SLC26A3: variants seen among roughly 807,000 people sequenced by gnomAD.
SLC26A3 encodes solute carrier family 26 member 3, also known as chloride anion exchanger.
SLC26A3 carries 64 observed loss-of-function variants against 85.6 expected under a neutral mutation model. The observed-to-expected ratio is 0.75, with a 90% CI of 0.61 to 0.92. The LOEUF is 0.92. SLC26A3 is among the 40% of genes least tolerant of loss of function. The probability of loss-of-function intolerance (pLI) is 0.00; values close to 1 mark genes in which losing one functional copy is unlikely to be tolerated. For synonymous variants in SLC26A3, 349 were observed against 336.0 expected, an observed-to-expected ratio of 1.04 and a Z score of -0.42; for missense variants, 922 against 927.3, an observed-to-expected ratio of 0.99 and a Z score of 0.07.
Position 107,787,341 on chromosome 7 carries a change from G to C in SLC26A3, c.888+16C>G. 2.5e-6 allele frequency: 4 copies of C among 1,613,600 alleles called. No homozygotes were observed. Among genetic ancestry groups the C allele is most frequent in the Non-Finnish European group, 2.5e-6 (3 of 1,179,606 alleles). On this transcript the variant is annotated intron_variant, in intron 7 of 20. Transcript: ENST00000340010. ...CAGTAGAGTAGCTATGACAGAGTCT[G>C]AAAATGATCAATTACCATAATGAAT...
intron 11 of SLC26A3, among the ~76,000 whole-genome samples, chr7:107,780,864 T>C (rs1056399412): frequency 2.6e-5 from 4 of 152,188 alleles, no homozygotes; most frequent in African/African-American, 7.2e-5. Flanking sequence ...TAACATACTA[T>C]ACTAATGTAT....
intron 20 of SLC26A3, 60 bp from the exon 21 acceptor site, chr7:107,765,938 A>C: frequency 7.0e-7 from 1 of 1,421,122 alleles, no homozygotes; most frequent in Non-Finnish European, 9.9e-7. Flanking sequence ...TACAATAATC[A>C]CATCTTAGGA....
At chr7:107,790,077 C>G (rs1441700076) in intron 5 of SLC26A3, among the ~76,000 whole-genome samples, 1 of 152,218 alleles carries the variant, frequency 6.6e-6, no homozygotes, top group Non-Finnish European at 1.5e-5. Flanking sequence ...GTTATACTTT[C>G]TAGCTGCTGG....
chr7:107,765,897 T>C lies in SLC26A3; in HGVS notation c.2272-19A>G, dbSNP rs774680041. The C allele has an allele frequency of 6.8e-6, 11 of 1,607,082 alleles. No homozygotes were observed. The highest frequency in any genetic ancestry group is 8.5e-6 in the Non-Finnish European group (10 of 1,174,120). ...CTGGCACCTGGAAGAAGACAGAAAG[T>C]TCTTGTTTTAAAATACTCGTCAAGT... On this transcript the variant is annotated intron_variant, in intron 20 of 20. Transcript: ENST00000340010.
In SLC26A3 at chr7:107,782,879, G is replaced by T; in HGVS notation, c.1234-5C>A. 1 of 1,613,804 alleles carries T rather than the reference G, an allele frequency of 6.2e-7. No homozygotes were observed. The highest frequency in any genetic ancestry group is 8.5e-7 in the Non-Finnish European group (1 of 1,179,978). ...GGCACCAATAAGCCCAGCAATCTGT[G>T]AGGATAAAAAAATTATCATCACCAA... On this transcript the variant is annotated splice_polypyrimidine_tract_variant and splice_region_variant and intron_variant, in intron 10 of 20. Coordinates refer to ENST00000340010, the MANE Select transcript of SLC26A3 (RefSeq NM_000111.3).
At chr7:107,781,910 T>C (rs1262654077) in intron 11 of SLC26A3, among the ~76,000 whole-genome samples, 1 of 152,220 alleles carries the variant, frequency 6.6e-6, no homozygotes, top group Non-Finnish European at 1.5e-5. Flanking sequence ...ATAATGACTA[T>C]CATTTATCAA....
In SLC26A3 at chr7:107,765,732, A is replaced by C. The variant is rs1049589153; in HGVS notation, c.*123T>G. 11 of 744,400 alleles carry C rather than the reference A, an allele frequency of 1.5e-5. No homozygotes were observed. Among genetic ancestry groups the C allele is most frequent in the Admixed American group, 8.4e-5 (4 of 47,666 alleles). The allele number at this position is 744,400 out of a possible 1,614,324, so 46.1% of individuals were successfully genotyped here. ...CCATGCTAGAACCATCTTGTTCCAA[A>C]GTTTGAAACATATTCTGTCAAAAAT... On this transcript the variant is annotated 3_prime_UTR_variant, in exon 21 of 21. Coordinates refer to ENST00000340010, the MANE Select transcript of SLC26A3 (RefSeq NM_000111.3).
chr7:107,774,046 G>A lies in SLC26A3; in HGVS notation c.1881C>T (p.Phe627=). 1 of 1,614,146 alleles carries A rather than the reference G, an allele frequency of 6.2e-7. No homozygotes were observed. The highest frequency in any genetic ancestry group is 8.5e-7 in the Non-Finnish European group (1 of 1,179,974). Residue 627 remains phenylalanine (F), a synonymous_variant, in exon 17 of 21, where the codon TTC becomes TTT. Transcript: ENST00000340010. ...DQPINTTDLP[F]HIDWNDDLPL... ...GAAGATCATCATTCCAGTCAATGTGGAAAGGCAGGTCTGTGGTATTGATTG... is the reference window on the plus strand; with the variant it reads ...GAAGATCATCATTCCAGTCAATGTGAAAAGGCAGGTCTGTGGTATTGATTG...
At chr7:107,773,382 A>G (rs889610692) in intron 17 of SLC26A3, among the ~76,000 whole-genome samples, 19 of 152,238 alleles carry the variant, frequency 1.2e-4, no homozygotes, top group Admixed American at 7.9e-4. Flanking sequence ...CAGATTCAGC[A>G]TACGTTAGAA....
At chr7:107,798,951 G>T (rs1253108093) in intron 1 of SLC26A3, among the ~76,000 whole-genome samples, 1 of 152,156 alleles carries the variant, frequency 6.6e-6, no homozygotes, top group Non-Finnish European at 1.5e-5. Context: ...GGAACAAGCA[G>T]AATAATTGCT....
At chr7:107,797,291 C>G (rs568266338) in intron 1 of SLC26A3, among the ~76,000 whole-genome samples, 63 of 152,272 alleles carry the variant, frequency 4.1e-4, no homozygotes, top group African/African-American at 1.4e-3. Flanking sequence ...GTCAGGGGTT[C>G]AAGACCAACC....
chr7:107,773,841 G>A, intron 17 of SLC26A3, 79 bp downstream of exon 17: 1 of 1,224,454 alleles, frequency 8.2e-7, no homozygotes, highest in Non-Finnish European at 1.2e-6. Flanking sequence ...ATGAGCCACT[G>A]TGCCCAGCCC....
chr7:107,791,888 T>A lies in SLC26A3; in HGVS notation c.324A>T (p.Ala108=), dbSNP rs777245366. The part of the protein sequence containing the change: ...VDIPPVYGLY[A]SFFPAIIYLF... ...GGTAGATTATGGCTGGGAAAAAGGA[T>A]GCATACAACCCATAGACTGGGGGAA... The change falls in exon 4 of 21, where the codon GCA becomes GCT. Residue 108 remains alanine, a synonymous_variant. Coordinates refer to ENST00000340010, the MANE Select transcript of SLC26A3 (RefSeq NM_000111.3). 1.8e-5 allele frequency: 29 copies of A among 1,613,696 alleles called. 1 individual carries two copies. The Admixed American group carries it at 4.7e-4, about 26-fold the overall frequency.
At chr7:107,776,738 C>A (rs766913078) in intron 13 of SLC26A3, 32 bp from the exon 14 acceptor site, 1 of 1,598,384 alleles carries the variant, frequency 6.3e-7, no homozygotes, top group Admixed American at 1.7e-5. Context: ...GTAAATCATT[C>A]ATGTATGTTT....
chr7:107,787,548 T>G, intron 6 of SLC26A3, 39 bp from the exon 7 acceptor site: 1 of 1,564,976 alleles, frequency 6.4e-7, no homozygotes, highest in Non-Finnish European at 8.8e-7. Flanking sequence ...AGCCCTATAT[T>G]AATGCACAAT....
At chr7:107,779,012 A>C (rs976321659) in intron 12 of SLC26A3, among the ~76,000 whole-genome samples, 23 of 152,120 alleles carry the variant, frequency 1.5e-4, no homozygotes, top group Admixed American at 4.6e-4. Context: ...TCAGCAAATT[A>C]ACTGGTAGAG....
chr7:107,789,416 A>G, intron 6 of SLC26A3, 108 bp downstream of exon 6: 1 of 1,131,824 alleles, frequency 8.8e-7, no homozygotes, highest in Non-Finnish European at 1.3e-6. Context: ...AAAAAATTTT[A>G]CAAACTGTAG....
chr7:107,783,138 T>G (rs1334785037), intron 9 of SLC26A3, 45 bp from the exon 10 acceptor site: 1 of 1,613,334 alleles, frequency 6.2e-7, no homozygotes, highest in Admixed American at 1.7e-5. Flanking sequence ...GTGGCACCAT[T>G]GATATTATGT....
intron 1 of SLC26A3, among the ~76,000 whole-genome samples, chr7:107,802,741 G>GTTTT (rs1794619195): frequency 3.9e-5 from 4 of 102,598 alleles, no homozygotes; most frequent in African/African-American, 8.5e-5. Context: ...CTTAAAGCTT[G>GTTTT]CTTTTTTTTT....
Sources: gnomAD v4.1 joint callset for allele counts (sites outside exome capture counted in the v4.1 genomes callset) on GRCh38, gnomAD v4.1.1 for gene constraint, MANE v1.5 for transcripts, NCBI Gene and HGNC (gene_info 2026-07-23, HGNC 2026-07-21) for gene names.